ACOT1: variants seen among roughly 807,000 people sequenced by gnomAD.
The protein encoded by ACOT1 is acyl-CoA thioesterase 1.
ACOT1 carries 8 observed loss-of-function variants against 15.7 expected under a neutral mutation model. The ratio of observed to expected loss-of-function variants is 0.51; its 90% CI spans 0.30 to 0.92. The LOEUF (loss-of-function observed/expected upper bound fraction) is 0.92, where lower values mean the gene tolerates loss of function less well. Ranked by LOEUF, ACOT1 falls within the 40% of genes least tolerant of loss-of-function variation. The pLI is 0.06. For synonymous variants in ACOT1, 67 were observed against 241.2 expected, an observed-to-expected ratio of 0.28 and a Z score of 6.69; for missense variants, 151 against 539.4, an observed-to-expected ratio of 0.28 and a Z score of 7.13.
chr14:73,514,033 A>G, the ACOT1 span: 4 of 1,614,012 alleles, frequency 2.5e-6, no homozygotes, highest in South Asian at 1.1e-5. Flanking sequence ...TCACTCACTC[A>G]GAGCCCAGGC....
chr14:73,529,818 A>G, the ACOT1 span, among the ~76,000 whole-genome samples: 1 of 151,538 alleles, frequency 6.6e-6, no homozygotes, highest in African/African-American at 2.4e-5. Flanking sequence ...CTAAAAAGCA[A>G]TAAGCCTTAG....
At chr14:73,531,181 G>A in the ACOT1 span, 2 of 113,794 alleles carry the variant, frequency 1.8e-5, 1 homozygote, top group Non-Finnish European at 3.8e-5. Context: ...GCAGTCCTCA[G>A]AGAGAAGCAA....
chr14:73,506,804 G>GTTTTGTTTTTTTT, the ACOT1 span, among the ~76,000 whole-genome samples: 1 of 80,492 alleles, frequency 1.2e-5, no homozygotes, highest in African/African-American at 4.9e-5. Flanking sequence ...GACTTTAACT[G>GTTTTGTTTTTTTT]TTTTTTTTTT....
the ACOT1 span, chr14:73,514,190 T>A: frequency 6.2e-7 from 1 of 1,614,104 alleles, no homozygotes; most frequent in Non-Finnish European, 8.5e-7. Context: ...TTGGCGGGGG[T>A]GGGCAAAGCA....
chr14:73,513,442 C>T, the ACOT1 span, among the ~76,000 whole-genome samples: 1 of 142,870 alleles, frequency 7.0e-6, no homozygotes, highest in Non-Finnish European at 1.5e-5. Context: ...GCCTGGGCAA[C>T]AGAGTGAAAT....
At chr14:73,536,144 TAAA>T (rs755133352), upstream of ACOT1, among the ~76,000 whole-genome samples, 61 of 114,870 alleles carry the variant, frequency 5.3e-4, 20 homozygotes, top group Middle Eastern at 9.4e-3. Flanking sequence ...TGGAAAGAGA[TAAA>T]AAGGCTTACC....
At chr14:73,499,720 CT>C in the ACOT1 span, among the ~76,000 whole-genome samples, 1 of 152,086 alleles carries the variant, frequency 6.6e-6, no homozygotes, top group Admixed American at 6.6e-5. Context: ...AGATTTTTCC[CT>C]AATAATGGAA....
At chr14:73,514,168 A>C in the ACOT1 span, 5 of 1,614,098 alleles carry the variant, frequency 3.1e-6, no homozygotes, top group African/African-American at 2.7e-5. Context: ...ACCCACCTGC[A>C]GCAGCATATC....
At chr14:73,524,853 G>A in the ACOT1 span, among the ~76,000 whole-genome samples, 54 of 152,022 alleles carry the variant, frequency 3.6e-4, no homozygotes, top group Non-Finnish European at 5.4e-4. Context: ...ACTCCTGCCC[G>A]GTGTCCAAGG....
chr14:73,495,470 G>A, the ACOT1 span: 2 of 1,152,046 alleles, frequency 1.7e-6, no homozygotes, highest in Non-Finnish European at 2.5e-6. Context: ...TTAATAAAGT[G>A]ATTGTAGGAG....
the ACOT1 span, among the ~76,000 whole-genome samples, chr14:73,521,817 C>T: frequency 6.6e-6 from 1 of 152,198 alleles, no homozygotes; most frequent in Non-Finnish European, 1.5e-5. Context: ...CTTCCTCACT[C>T]CACCAAGGAT....
At chr14:73,493,110 G>C in the ACOT1 span, 2 of 1,612,418 alleles carry the variant, frequency 1.2e-6, no homozygotes, top group Non-Finnish European at 1.7e-6. Flanking sequence ...GGTCTTCTAG[G>C]AAGAACCATC....
upstream of ACOT1, among the ~76,000 whole-genome samples, chr14:73,532,860 C>T (rs1431749743): frequency 7.1e-5 from 8 of 113,278 alleles, 3 homozygotes; most frequent in East Asian, 5.5e-3. Context: ...GAGGCTGAGG[C>T]AGGAGAATGG....
At chr14:73,510,805 T>G in the ACOT1 span, among the ~76,000 whole-genome samples, 1 of 152,196 alleles carries the variant, frequency 6.6e-6, no homozygotes, top group Non-Finnish European at 1.5e-5. Flanking sequence ...AGCATGTTGT[T>G]TATTCACTGG....
chr14:73,511,512 C>T, the ACOT1 span, among the ~76,000 whole-genome samples: 1 of 147,544 alleles, frequency 6.8e-6, no homozygotes, highest in African/African-American at 2.5e-5. Flanking sequence ...GAGCAAGACT[C>T]TGTCTCAAAA....
In ACOT1 at chr14:73,537,540, A is replaced by T; in HGVS notation, c.119A>T (p.Asp40Val). The T allele has an allele frequency of 8.2e-7, 1 of 1,212,734 alleles. No homozygotes were observed. Among genetic ancestry groups the T allele is most frequent in the South Asian group, 1.4e-5 (1 of 69,516 alleles). The allele number at this position is 1,212,734 out of a possible 1,614,324, so 75.1% of individuals were successfully genotyped here. A position where few individuals can be genotyped will look rare whatever the true frequency, so the allele number is the denominator to read the frequency against. The change falls in exon 1 of 3, where the codon GAC (aspartate) becomes GTC (valine). Residue 40 changes from aspartate to valine, a missense_variant. Coordinates refer to ENST00000311148, the MANE Select transcript of ACOT1 (RefSeq NM_001037161.2). ...QPVTLRASLR[D>V]EKGALFQAHA... ...GTCACGCTGCGCGCGTCCCTGCGCG[A>T]CGAGAAGGGCGCGCTTTTCCAGGCC...
the ACOT1 span, chr14:73,493,226 T>C: frequency 2.3e-6 from 2 of 885,192 alleles, no homozygotes; most frequent in Non-Finnish European, 3.7e-6. Flanking sequence ...TTCAGTGTAC[T>C]GGGTAACACT....
the ACOT1 span, among the ~76,000 whole-genome samples, chr14:73,526,042 A>G: frequency 6.6e-6 from 1 of 152,028 alleles, no homozygotes; most frequent in Non-Finnish European, 1.5e-5. Context: ...AAGAAGAGGC[A>G]CTGAAGAGGG....
upstream of ACOT1, among the ~76,000 whole-genome samples, chr14:73,532,811 C>G (rs1467949857): frequency 9.8e-5 from 11 of 112,812 alleles, 2 homozygotes; most frequent in African/African-American, 3.2e-4. Context: ...AAAAAATTAG[C>G]CGGGTGTGGT....
Sources: gnomAD v4.1 joint callset for allele counts (sites outside exome capture counted in the v4.1 genomes callset) on GRCh38, gnomAD v4.1.1 for gene constraint, MANE v1.5 for transcripts, NCBI Gene and HGNC (gene_info 2026-07-23, HGNC 2026-07-21) for gene names.